The following PCDHGA4 variants were observed in gnomAD, a reference collection of about 807,000 sequenced individuals.
PCDHGA4 encodes protocadherin gamma subfamily A, 4, also known as protocadherin gamma-A4.
PCDHGA4 carries 38 observed loss-of-function variants against 54.6 expected under a neutral mutation model. The ratio of observed to expected loss-of-function variants is 0.70; its 90% confidence interval spans 0.54 to 0.91. PCDHGA4 has a LOEUF of 0.91. Among genes scored for constraint, PCDHGA4 ranks in the 40% least tolerant of loss-of-function variants. PCDHGA4 has a pLI of 0.00. For missense variants in PCDHGA4, 1,298 were observed against 1,220.9 expected, an observed-to-expected ratio of 1.06 and a Z score of -0.94; for synonymous variants, 511 against 512.9, an observed-to-expected ratio of 1.00 and a Z score of 0.05.
intron 3 of PCDHGA4, among the ~76,000 whole-genome samples, chr5:141,508,989 G>A (rs900798347): frequency 1.3e-5 from 2 of 152,110 alleles, no homozygotes; most frequent in Non-Finnish European, 2.9e-5. Flanking sequence ...GGGGCCAGCT[G>A]GGGTAGGAGA....
chr5:141,418,282 A>T (rs1209026046), intron 1 of PCDHGA4: 2 of 1,614,030 alleles, frequency 1.2e-6, no homozygotes, highest in Non-Finnish European at 1.7e-6. Flanking sequence ...TAAACTTAGA[A>T]ATCAGTGAAT....
chr5:141,434,838 A>G (rs1363952147), intron 1 of PCDHGA4, among the ~76,000 whole-genome samples: 1 of 152,022 alleles, frequency 6.6e-6, no homozygotes, highest in Non-Finnish European at 1.5e-5. Context: ...GGCATTTATA[A>G]AGCAGACATC....
At position 141,489,503 on chromosome 5, in the gene PCDHGA4, A is replaced by T; in HGVS notation, c.2515-5304A>T. 1 of 1,614,092 alleles carries T rather than the reference A, an allele frequency of 6.2e-7. No homozygotes were observed. ...ATGAGTGGTGCCCTGGCAGTGAATC[A>T]AAAGATTGACCGAGAAAGCCTATGT... is the stretch of plus-strand genomic sequence containing the variant. On this transcript the variant is annotated intron_variant, in intron 1 of 3. Transcript: ENST00000571252. The surrounding 1 kb of genome is among the most constrained non-coding windows in gnomAD (Gnocchi z 4.5).
intron 1 of PCDHGA4, among the ~76,000 whole-genome samples, chr5:141,425,382 G>A (rs1455106607): frequency 1.3e-5 from 2 of 152,208 alleles, no homozygotes; most frequent in African/African-American, 4.8e-5. Context: ...TTGATTCGGA[G>A]GTAGTGATAA....
Position 141,489,493 on chromosome 5 carries a change from G to A in PCDHGA4, c.2515-5314G>A, listed in dbSNP as rs1485293604. ...CCTGAGCTTGATGAGTGGTGCCCTG[G>A]CAGTGAATCAAAAGATTGACCGAGA... On this transcript the variant is annotated intron_variant, in intron 1 of 3. Coordinates refer to ENST00000571252, the MANE Select transcript of PCDHGA4 (RefSeq NM_018917.4). The surrounding 1 kb of genome is among the most constrained non-coding windows in gnomAD (Gnocchi z 4.5). The A allele has an allele frequency of 1.2e-6, 2 of 1,613,960 alleles. No homozygotes were observed. Among genetic ancestry groups the A allele is most frequent in the Non-Finnish European group, 1.7e-6 (2 of 1,180,038 alleles).
intron 1 of PCDHGA4, chr5:141,414,150 A>C (rs750190499): frequency 6.2e-7 from 1 of 1,600,176 alleles, no homozygotes; most frequent in African/African-American, 1.3e-5. Context: ...AAATACAAGC[A>C]GAAGATGGAG....
In PCDHGA4 at chr5:141,364,730, C is replaced by T. The variant is rs374170303; in HGVS notation, c.2514+7109C>T. On this transcript the variant is annotated intron_variant, in intron 1 of 3. Coordinates refer to ENST00000571252, the MANE Select transcript of PCDHGA4 (RefSeq NM_018917.4). ...TATTAATGATAACTTCCCGCGTTTC[C>T]GGGATGAAGAGTTAAAAGTAAAAGT... is the stretch of plus-strand genomic sequence containing the variant. The T allele has an allele frequency of 1.9e-6, 3 of 1,613,720 alleles. No individual in the cohort carries two copies. In the African/African-American group the frequency reaches 4.0e-5, roughly 22 times the overall value.
chr5:141,431,146 T>G lies in PCDHGA4; in HGVS notation c.2515-63661T>G. On this transcript the variant is annotated intron_variant, in intron 1 of 3. Coordinates refer to ENST00000571252, the MANE Select transcript of PCDHGA4 (RefSeq NM_018917.4). The surrounding 1 kb of genome is among the most constrained non-coding windows in gnomAD (Gnocchi z 4.8). The stretch of plus-strand genomic sequence containing the variant: ...TAGAAGTAAGGGACATTAACGACAA[T>G]GCGCCTTACTTTCGTGAAAGTGAAT... 6.2e-7 allele frequency: 1 copy of G among 1,614,124 alleles called. No individual in the cohort carries two copies. Among genetic ancestry groups the G allele is most frequent in the African/African-American group, 1.3e-5 (1 of 75,022 alleles).
intron 1 of PCDHGA4, chr5:141,366,320 G>A: frequency 4.3e-6 from 7 of 1,613,788 alleles, no homozygotes; most frequent in East Asian, 2.2e-5. Flanking sequence ...CACCGTTGCC[G>A]TGGCCGACAG....
intron 1 of PCDHGA4, chr5:141,383,907 A>T: frequency 1.2e-6 from 2 of 1,613,958 alleles, no homozygotes; most frequent in Non-Finnish European, 1.7e-6. Flanking sequence ...TACTGATCAC[A>T]GTTTTAGATG....
rs201006002 is a variant in PCDHGA4, at chr5:141,432,497, C to T, written c.2515-62310C>T. 7 of 1,614,062 alleles carry T rather than the reference C, an allele frequency of 4.3e-6. 1 individual carries two copies. In the South Asian group the frequency reaches 6.6e-5, roughly 15 times the overall value. On this transcript the variant is annotated intron_variant, in intron 1 of 3. Transcript: ENST00000571252. This position sits in a 1 kb window ranked among gnomAD's most constrained non-coding sequence, Gnocchi z 6.0. Reference sequence around the variant, plus strand: ...TTCCACTGGCGTGGAGCTGGCTCCCCGCTCCGCAGAGCCCGGCTACCTGGT... The same window carrying T: ...TTCCACTGGCGTGGAGCTGGCTCCCTGCTCCGCAGAGCCCGGCTACCTGGT...
chr5:141,431,150 CCTTA>C lies in PCDHGA4; in HGVS notation c.2515-63653_2515-63650del, dbSNP rs1302288904. ...AGTAAGGGACATTAACGACAATGCG[CCTTA>C]CTTTCGTGAAAGTGAATTAGAAATA... On this transcript the variant is annotated intron_variant, in intron 1 of 3. Coordinates refer to ENST00000571252, the MANE Select transcript of PCDHGA4 (RefSeq NM_018917.4). The surrounding 1 kb of genome is among the most constrained non-coding windows in gnomAD (Gnocchi z 4.8). 3 of 1,614,226 alleles carry C rather than the reference CCTTA, an allele frequency of 1.9e-6. No individual in the cohort carries two copies. The highest frequency in any genetic ancestry group is 2.2e-5 in the East Asian group (1 of 44,876).
At chr5:141,398,555 G>A in intron 1 of PCDHGA4, 1 of 1,613,934 alleles carries the variant, frequency 6.2e-7, no homozygotes, top group Non-Finnish European at 8.5e-7. Context: ...CTGCAAATAA[G>A]TGAGTCTGCA....
At chr5:141,383,517 G>A (rs374823629) in intron 1 of PCDHGA4, 1 of 1,612,492 alleles carries the variant, frequency 6.2e-7, no homozygotes, top group Non-Finnish European at 8.5e-7. Context: ...AGGAAGAGCG[G>A]GTTCACCACC....
chr5:141,357,781 A>C, intron 1 of PCDHGA4, 160 bp downstream of exon 1: 1 of 862,264 alleles, frequency 1.2e-6, no homozygotes, highest in South Asian at 1.9e-5. Flanking sequence ...AATGATCAAC[A>C]GTATTTACCA....
In PCDHGA4 at chr5:141,491,925, G is replaced by A. The variant is rs1019181943; in HGVS notation, c.2515-2882G>A. 5 of 1,325,176 alleles carry A rather than the reference G, an allele frequency of 3.8e-6. No homozygotes were observed. In the Admixed American group the frequency reaches 1.5e-4, roughly 39 times the overall value. 82.1% of individuals were successfully genotyped at this position (1,325,176 alleles called of 1,614,324 possible). A position where few individuals can be genotyped will look rare whatever the true frequency, so the allele number is the denominator to read the frequency against. On this transcript the variant is annotated intron_variant, in intron 1 of 3. Coordinates refer to ENST00000571252, the MANE Select transcript of PCDHGA4 (RefSeq NM_018917.4). The surrounding 1 kb of genome is among the most constrained non-coding windows in gnomAD (Gnocchi z 6.9). ...GGGTGGTGGCGACTGTGGGCGAGGG[G>A]AGGTGGGACCGACCCCCACCCCTAC...
chr5:141,374,769 T>C, intron 1 of PCDHGA4: 1 of 1,613,762 alleles, frequency 6.2e-7, no homozygotes. Context: ...GCCCAAATTC[T>C]GGTAACAGTT....
intron 1 of PCDHGA4, chr5:141,418,256 T>C: frequency 1.2e-6 from 2 of 1,614,046 alleles, no homozygotes; most frequent in Non-Finnish European, 1.7e-6. Context: ...CGCCCCTCAA[T>C]TCCGGAAAGA....
In PCDHGA4 at chr5:141,355,807, G is replaced by C. The variant is rs1444554207; in HGVS notation, c.700G>C (p.Glu234Gln). 6.2e-7 allele frequency: 1 copy of C among 1,613,264 alleles called. No individual in the cohort carries two copies. Among genetic ancestry groups the C allele is most frequent in the Admixed American group, 1.7e-5 (1 of 59,884 alleles). The change falls in exon 1 of 4, where the codon GAG becomes CAG. Residue 234 changes from glutamate (E) to glutamine (Q), a missense_variant. Transcript: ENST00000571252. ...ELVLERALDR[E>Q]EEAVHHLVLT... ...GGTGCTGGAACGCGCTCTAGATCGC[G>C]AGGAAGAGGCGGTTCACCACCTCGT...
Sources: gnomAD v4.1 joint callset for allele counts (sites outside exome capture counted in the v4.1 genomes callset) on GRCh38, gnomAD v4.1.1 for gene constraint, Gnocchi (gnomAD v3.1) non-coding constraint, MANE v1.5 for transcripts, NCBI Gene and HGNC (gene_info 2026-07-23, HGNC 2026-07-21) for gene names.